Variants in FGF14 observed in about 807,000 individuals in gnomAD.
FGF14 encodes the protein fibroblast growth factor 14, also known as fibroblast growth factor homologous factor 4.
In FGF14, 5 loss-of-function variants were observed where a neutral mutation model predicts 25.5. The observed-to-expected ratio is 0.20, with a 90% CI of 0.10 to 0.41. FGF14 has a LOEUF of 0.41. FGF14 is among the 10% of genes least tolerant of loss of function. The pLI is 1.00. For missense variants in FGF14, 222 were observed against 320.1 expected (o/e 0.69, Z 2.34); for synonymous variants, 138 against 118.3 (o/e 1.17, Z -1.08).
chr13:101,909,417 A>G (rs1337918445), intron 1 of FGF14, among the ~76,000 whole-genome samples: 1 of 152,258 alleles, frequency 6.6e-6, no homozygotes, highest in Admixed American at 6.5e-5. Flanking sequence ...CAACCCCATC[A>G]TAAAGTGGGT....
chr13:102,308,857 G>A (rs1421154978), intron 1 of FGF14, among the ~76,000 whole-genome samples: 1 of 143,350 alleles, frequency 7.0e-6, no homozygotes, highest in African/African-American at 2.6e-5. Context: ...GGGGGCAGAA[G>A]ATGGCAAACA....
chr13:101,966,198 G>A (rs897271012), intron 1 of FGF14, among the ~76,000 whole-genome samples: 2 of 152,168 alleles, frequency 1.3e-5, no homozygotes, highest in South Asian at 2.1e-4. Context: ...GAGGTCATCA[G>A]GGTGGGCTCT....
intron 1 of FGF14, among the ~76,000 whole-genome samples, chr13:102,085,912 AGTTT>A (rs754137605): frequency 9.8e-4 from 150 of 152,310 alleles, no homozygotes; most frequent in Non-Finnish European, 1.6e-3. Flanking sequence ...TACTCCAGGA[AGTTT>A]GTTTAAGTTG....
chr13:102,251,132 T>C (rs1241491346), intron 1 of FGF14, among the ~76,000 whole-genome samples: 2 of 152,228 alleles, frequency 1.3e-5, no homozygotes, highest in Non-Finnish European at 2.9e-5. Context: ...GCTATATTCA[T>C]TATATTTGAT....
chr13:102,014,944 G>A (rs147490394), intron 1 of FGF14, among the ~76,000 whole-genome samples: 2 of 152,288 alleles, frequency 1.3e-5, no homozygotes, highest in African/African-American at 4.8e-5. Flanking sequence ...TTTTGAGACA[G>A]AGTTTCATGC....
chr13:101,942,576 G>A (rs552569191), intron 1 of FGF14, among the ~76,000 whole-genome samples: 2 of 152,270 alleles, frequency 1.3e-5, no homozygotes, highest in East Asian at 3.9e-4. Context: ...AGAAAACACT[G>A]ACAATCAGTG....
intron 3 of FGF14, among the ~76,000 whole-genome samples, chr13:101,749,532 A>T (rs2037135469): frequency 1.3e-5 from 2 of 152,216 alleles, no homozygotes; most frequent in South Asian, 4.2e-4. Context: ...ATCACAATTA[A>T]AATTTCTAAG....
At chr13:102,276,298 T>TACACACACACACAC (rs57994075) in intron 1 of FGF14, among the ~76,000 whole-genome samples, 20 of 118,280 alleles carry the variant, frequency 1.7e-4, no homozygotes, top group Admixed American at 5.0e-4. Flanking sequence ...AACTTGGAAA[T>TACACACACACACAC]ACACACACAC....
At chr13:102,164,728 C>T (rs552863160) in intron 1 of FGF14, among the ~76,000 whole-genome samples, 62 of 152,262 alleles carry the variant, frequency 4.1e-4, no homozygotes, top group African/African-American at 1.3e-3. Flanking sequence ...AGTCACGGTT[C>T]AAGTGTTCAC....
chr13:102,303,236 T>C (rs2138590970), intron 1 of FGF14, among the ~76,000 whole-genome samples: 1 of 152,312 alleles, frequency 6.6e-6, no homozygotes, highest in African/African-American at 2.4e-5. Flanking sequence ...TGGGCAAATG[T>C]CAGTGAGGAT....
chr13:102,263,515 A>C lies in FGF14; in HGVS notation c.208+137956T>G, dbSNP rs189982664. On this transcript the variant is annotated intron_variant, in intron 1 of 4. Coordinates refer to the FGF14 transcript ENST00000376131. The stretch of plus-strand genomic sequence containing the variant: ...TATGAAGATTAGAGAGAGATTATGA[A>C]GTAATTCAATACCAATATTCTCATT... 1.2e-4 allele frequency among the ~76,000 whole-genome samples: 19 copies of C among 152,344 alleles called. 1 individual carries two copies. The highest frequency in any genetic ancestry group is 2.4e-4 in the African/African-American group (10 of 41,586).
chr13:102,272,841 C>T (rs1367469725), intron 1 of FGF14, among the ~76,000 whole-genome samples: 2 of 152,132 alleles, frequency 1.3e-5, no homozygotes, highest in African/African-American at 2.4e-5. Context: ...GGAGACCCAA[C>T]TGTCTTAACC....
intron 3 of FGF14, among the ~76,000 whole-genome samples, chr13:101,761,468 G>A (rs1034282781): frequency 2.0e-5 from 3 of 152,182 alleles, no homozygotes; most frequent in Non-Finnish European, 4.4e-5. Context: ...TGGACCCCAC[G>A]TGACTGTGGG....
intron 1 of FGF14, among the ~76,000 whole-genome samples, chr13:101,944,312 T>A (rs979200205): frequency 6.6e-6 from 1 of 152,142 alleles, no homozygotes; most frequent in African/African-American, 2.4e-5. Context: ...ACAGAACACA[T>A]CCCTAAAAGT....
intron 3 of FGF14, among the ~76,000 whole-genome samples, chr13:101,762,758 A>C (rs1484579656): frequency 2.0e-5 from 3 of 152,206 alleles, no homozygotes; most frequent in Non-Finnish European, 4.4e-5. Flanking sequence ...GGGAACCTGA[A>C]ATAGGCCAGT....
intron 1 of FGF14, among the ~76,000 whole-genome samples, chr13:102,030,961 T>C (rs377460922): frequency 1.3e-5 from 2 of 152,114 alleles, no homozygotes; most frequent in East Asian, 1.9e-4. Flanking sequence ...CACTAGGCAT[T>C]GCTGTCTCCC....
intron 3 of FGF14, among the ~76,000 whole-genome samples, chr13:101,771,387 A>T (rs914355488): frequency 6.6e-6 from 1 of 152,052 alleles, no homozygotes; most frequent in Non-Finnish European, 1.5e-5. Flanking sequence ...CCAAGTATTG[A>T]CCTGAGAAAA....
intron 1 of FGF14, among the ~76,000 whole-genome samples, chr13:102,374,694 A>G (rs1345966631): frequency 1.1e-5 from 1 of 93,590 alleles, no homozygotes; most frequent in Non-Finnish European, 2.1e-5. Context: ...ATATATATAT[A>G]TATGTCAGTA....
chr13:101,822,577 A>G (rs1354027100), intron 3 of FGF14, among the ~76,000 whole-genome samples: 1 of 152,058 alleles, frequency 6.6e-6, no homozygotes, highest in African/African-American at 2.4e-5. Flanking sequence ...ACATCTTAAC[A>G]GTATTGAGTC....
Sources: gnomAD v4.1 joint callset for allele counts (sites outside exome capture counted in the v4.1 genomes callset) on GRCh38, gnomAD v4.1.1 for gene constraint, MANE v1.5 for transcripts, NCBI Gene and HGNC (gene_info 2026-07-23, HGNC 2026-07-21) for gene names.